Variants in N4BP2L2 observed in about 807,000 individuals in gnomAD.
N4BP2L2 encodes the protein NEDD4-binding protein 2-like 2.
A neutral mutation model predicts 56.2 loss-of-function variants in N4BP2L2; 50 were observed. That is an observed-to-expected ratio of 0.89 (90% CI 0.71 to 1.13). N4BP2L2 has a LOEUF of 1.13. Among genes scored for constraint, N4BP2L2 ranks in the 50% most tolerant of loss-of-function variants. The probability of loss-of-function intolerance (pLI) is 0.00; values close to 1 mark genes in which losing one functional copy is unlikely to be tolerated. For synonymous variants in N4BP2L2, 203 were observed against 223.6 expected (o/e 0.91, Z 0.82); for missense variants, 689 against 693.8 (o/e 0.99, Z 0.08).
At chr13:32,493,863 C>T (rs764528468) in intron 6 of N4BP2L2, among the ~76,000 whole-genome samples, 1 of 152,188 alleles carries the variant, frequency 6.6e-6, no homozygotes, top group Non-Finnish European at 1.5e-5. Flanking sequence ...ATTTTTGGGA[C>T]AGCAAAGAAA....
chr13:32,482,049 T>C (rs1222279732), intron 6 of N4BP2L2, among the ~76,000 whole-genome samples: 1 of 152,238 alleles, frequency 6.6e-6, no homozygotes, highest in Non-Finnish European at 1.5e-5. Context: ...ACTATGTAGC[T>C]GGCCTACGAA....
At chr13:32,488,428 C>T (rs6561360) in intron 6 of N4BP2L2, among the ~76,000 whole-genome samples, 8,714 of 152,118 alleles carry the variant, frequency 0.057, 843 homozygotes, top group African/African-American at 0.2. Context: ...GATGAGGATG[C>T]ATAGTGAATA....
intron 8 of N4BP2L2, among the ~76,000 whole-genome samples, chr13:32,437,956 A>G (rs1365883367): frequency 6.6e-6 from 1 of 152,166 alleles, no homozygotes; most frequent in African/African-American, 2.4e-5. Context: ...ACTTCTCTCA[A>G]GTTTGATAAA....
At chr13:32,525,776 T>G (rs992417289) in intron 3 of N4BP2L2, among the ~76,000 whole-genome samples, 2 of 152,228 alleles carry the variant, frequency 1.3e-5, no homozygotes, top group East Asian at 3.9e-4. Flanking sequence ...GCAACCCTAG[T>G]TGGCAGCTTT....
chr13:32,515,125 G>A (rs1216590226), exon 6 of N4BP2L2: 2 of 143,444 alleles, frequency 1.4e-5, no homozygotes, highest in African/African-American at 5.5e-5. Context: ...GTGATCCAGA[G>A]AAAGACTCTG....
chr13:32,535,602 C>T (rs1000761796), intron 2 of N4BP2L2, among the ~76,000 whole-genome samples, 167 bp downstream of exon 2: 1 of 152,190 alleles, frequency 6.6e-6, no homozygotes, highest in African/African-American at 2.4e-5. Flanking sequence ...CAGGGTCTCA[C>T]TATGTTGCCC....
rs1382452129 is a variant in N4BP2L2, at chr13:32,521,427, A to ACT, written c.1494_1495dup (p.Val499GlufsTer2). 2 of 1,612,856 alleles carry ACT rather than the reference A, an allele frequency of 1.2e-6. No homozygotes were observed. The highest frequency in any genetic ancestry group is 3.3e-5 in the Admixed American group (2 of 59,912). On this transcript the variant is annotated frameshift_variant, in exon 5 of 6. Coordinates refer to ENST00000267068, the Ensembl canonical transcript of N4BP2L2. LOFTEE classifies it high-confidence loss of function. ...CCAAGTTTCAGGTTCATGAAACTCT[A>ACT]CTCTGTATCCTTTTCCTATGGCCTA...
chr13:32,490,352 TG>T (rs1009644715), intron 6 of N4BP2L2, among the ~76,000 whole-genome samples: 5 of 152,166 alleles, frequency 3.3e-5, no homozygotes, highest in African/African-American at 1.2e-4. Flanking sequence ...TCACCCAGGC[TG>T]GAGTGCAGTG....
chr13:32,443,686 C>G, exon 7 of N4BP2L2: 3 of 1,606,256 alleles, frequency 1.9e-6, no homozygotes, highest in Non-Finnish European at 2.5e-6. Context: ...AGTTGTTACA[C>G]AGGAAAGGTT....
At chr13:32,492,338 G>A (rs888494957) in intron 6 of N4BP2L2, among the ~76,000 whole-genome samples, 4 of 140,474 alleles carry the variant, frequency 2.8e-5, no homozygotes, top group Non-Finnish European at 4.5e-5. Context: ...GCTGGAGTGC[G>A]GTGGCGCGAT....
At position 32,522,577 on chromosome 13, in the gene N4BP2L2, T is replaced by TA. The variant is rs2051281621; in HGVS notation, c.1385-308dup. 1.6e-5 allele frequency: 3 copies of TA among 186,324 alleles called. No homozygotes were observed. In the South Asian group the frequency reaches 5.6e-4, roughly 35 times the overall value. 11.5% of individuals were successfully genotyped at this position (186,324 alleles called of 1,614,324 possible). ...AGGACTAACTTTCACTTATGGGAAA[T>TA]ATAAGAGATGAACAATTTACATCTG... On this transcript the variant is annotated intron_variant, in intron 3 of 5. Transcript: ENST00000267068.
chr13:32,528,959 T>C (rs779751110), intron 2 of N4BP2L2, among the ~76,000 whole-genome samples: 1 of 152,202 alleles, frequency 6.6e-6, no homozygotes, highest in Non-Finnish European at 1.5e-5. Context: ...TGTTTGCATA[T>C]AAACTATGCA....
At chr13:32,535,708 A>AT in intron 2 of N4BP2L2, 61 bp downstream of exon 2, 1 of 1,529,850 alleles carries the variant, frequency 6.5e-7, no homozygotes, top group Non-Finnish European at 8.8e-7. Flanking sequence ...CCGGCGACAA[A>AT]TATCATTTAT....
intron 7 of N4BP2L2, chr13:32,442,276 C>T: frequency 1.0e-6 from 1 of 960,424 alleles, no homozygotes; most frequent in Non-Finnish European, 1.5e-6. Flanking sequence ...TGAAAAGCAT[C>T]ACGAGATTAA....
exon 6 of N4BP2L2, chr13:32,512,152 A>T (rs1212627799): frequency 6.6e-6 from 1 of 152,220 alleles, no homozygotes. Flanking sequence ...TTCAACCATG[A>T]AAAACCACAT....
intron 8 of N4BP2L2, among the ~76,000 whole-genome samples, chr13:32,438,251 G>A (rs1399627802): frequency 6.6e-6 from 1 of 152,092 alleles, no homozygotes; most frequent in Non-Finnish European, 1.5e-5. Context: ...ATAATATTCA[G>A]CCATAAAAAA....
chr13:32,536,287 G>A (rs761446084), exon 2 of N4BP2L2: 1 of 1,613,488 alleles, frequency 6.2e-7, no homozygotes, highest in South Asian at 1.1e-5. Flanking sequence ...GTCCATTACA[G>A]GGATATTTGT....
chr13:32,509,465 T>G (rs190218588), downstream of N4BP2L2: 48 of 152,326 alleles, frequency 3.2e-4, no homozygotes, highest in African/African-American at 1.1e-3. Flanking sequence ...ATCAAAAGTT[T>G]GTTGACTGTT....
chr13:32,490,684 A>C (rs1471847859), intron 6 of N4BP2L2, among the ~76,000 whole-genome samples: 1 of 152,092 alleles, frequency 6.6e-6, no homozygotes, highest in Non-Finnish European at 1.5e-5. Flanking sequence ...TCGGAGATGA[A>C]ACTGTTCCAC....
Sources: allele counts gnomAD v4.1 joint callset (sites outside exome capture counted in the v4.1 genomes callset), GRCh38; gene constraint gnomAD v4.1.1; transcripts MANE v1.5; gene names NCBI Gene and HGNC (gene_info 2026-07-23, HGNC 2026-07-21).